The following LRCH1 variants were observed in gnomAD, a reference collection of about 807,000 sequenced individuals.
The protein encoded by LRCH1 is leucine-rich repeat and calponin homology domain-containing protein 1.
A neutral mutation model predicts 94.9 loss-of-function variants in LRCH1; 23 were observed. The ratio of observed to expected loss-of-function variants is 0.24; its 90% CI spans 0.17 to 0.34. LRCH1 has a LOEUF of 0.34. LRCH1 is among the 10% of genes least tolerant of loss of function. The probability of loss-of-function intolerance (pLI) is 1.00; values close to 1 mark genes in which losing one functional copy is unlikely to be tolerated. For missense variants in LRCH1, 790 were observed against 945.9 expected (o/e 0.84, Z 2.16); for synonymous variants, 364 against 354.9 (o/e 1.03, Z -0.29).
chr13:46,574,773 A>G (rs2050282467), intron 1 of LRCH1, among the ~76,000 whole-genome samples: 1 of 145,294 alleles, frequency 6.9e-6, no homozygotes, highest in Non-Finnish European at 1.5e-5. Flanking sequence ...AAAAATGATT[A>G]TGAAGCACTT....
At chr13:46,671,346 G>A (rs1217544169) in intron 3 of LRCH1, among the ~76,000 whole-genome samples, 1 of 152,174 alleles carries the variant, frequency 6.6e-6, no homozygotes, top group East Asian at 1.9e-4. Flanking sequence ...CTTTCTCTGT[G>A]CCAGCTCCCC....
At chr13:46,586,879 A>G (rs906135046) in intron 1 of LRCH1, among the ~76,000 whole-genome samples, 10 of 152,304 alleles carry the variant, frequency 6.6e-5, no homozygotes, top group Non-Finnish European at 1.3e-4. Context: ...AGGAAAGTTT[A>G]TTAGAATTTT....
chr13:46,565,916 TG>T (rs201668112), intron 1 of LRCH1, among the ~76,000 whole-genome samples: 2,436 of 151,770 alleles, frequency 0.016, 73 homozygotes, highest in African/African-American at 0.054. Flanking sequence ...GAGAAGAGTG[TG>T]TTCAGGTTTC....
chr13:46,627,831 TTC>T (rs1227625295), intron 1 of LRCH1, among the ~76,000 whole-genome samples: 2 of 152,214 alleles, frequency 1.3e-5, no homozygotes, highest in Non-Finnish European at 2.9e-5. Context: ...TCCGTGTAAT[TTC>T]TCTGAGTCAT....
intron 1 of LRCH1, among the ~76,000 whole-genome samples, chr13:46,599,764 C>CCTAA (rs1224811936): frequency 1.3e-5 from 2 of 152,046 alleles, no homozygotes; most frequent in South Asian, 4.2e-4. Flanking sequence ...CTTATGTTAC[C>CCTAA]TTAGAACTGT....
At chr13:46,714,949 C>T (rs913105664) in intron 15 of LRCH1, among the ~76,000 whole-genome samples, 16 of 151,800 alleles carry the variant, frequency 1.1e-4, no homozygotes, top group African/African-American at 3.9e-4. Flanking sequence ...GAGGTATGTC[C>T]AGGATTGAGA....
chr13:46,657,495 CTTTTCTTT>C (rs1566204553), intron 2 of LRCH1, among the ~76,000 whole-genome samples: 5 of 16,814 alleles, frequency 3.0e-4, no homozygotes, highest in African/African-American at 1.0e-3. Flanking sequence ...TTTTTCTTTT[CTTTTCTTT>C]TTTTTTTTTT....
chr13:46,695,230 G>A (rs1341667020), intron 9 of LRCH1, among the ~76,000 whole-genome samples: 1 of 152,126 alleles, frequency 6.6e-6, no homozygotes, highest in Non-Finnish European at 1.5e-5. Flanking sequence ...GTCTGTTTAT[G>A]GATCTGATTT....
intron 1 of LRCH1, among the ~76,000 whole-genome samples, chr13:46,633,875 C>T (rs1174291242): frequency 3.3e-5 from 5 of 150,492 alleles, no homozygotes; most frequent in Non-Finnish European, 5.9e-5. Flanking sequence ...GTTTCTTTTC[C>T]TGCATTTTTT....
chr13:46,728,740 T>C, intron 17 of LRCH1, 107 bp from the exon 18 acceptor site: 1 of 1,040,950 alleles, frequency 9.6e-7, no homozygotes, highest in Non-Finnish European at 1.4e-6. Context: ...TATCCTTATT[T>C]CCTATGATGA....
chr13:46,639,820 T>C (rs1181734981), intron 1 of LRCH1, among the ~76,000 whole-genome samples: 1 of 152,250 alleles, frequency 6.6e-6, no homozygotes, highest in East Asian at 1.9e-4. Context: ...GTCCCTACAG[T>C]AATCTGTACT....
At chr13:46,685,097 C>T (rs74625922) in intron 4 of LRCH1, among the ~76,000 whole-genome samples, 4,068 of 152,290 alleles carry the variant, frequency 0.027, 127 homozygotes, top group Admixed American at 0.085. Flanking sequence ...TCCGAGGCCT[C>T]GTTCTGGAGT....
intron 1 of LRCH1, among the ~76,000 whole-genome samples, chr13:46,569,149 C>T (rs7337999): frequency 0.71 from 108,039 of 152,102 alleles, 38,515 homozygotes; most frequent in Middle Eastern, 0.79. Flanking sequence ...ATTTAACAAG[C>T]GGCATTTTAT....
At chr13:46,634,041 G>A (rs897658775) in intron 1 of LRCH1, among the ~76,000 whole-genome samples, 8 of 151,856 alleles carry the variant, frequency 5.3e-5, no homozygotes, top group Admixed American at 1.3e-4. Flanking sequence ...CACCATGCCC[G>A]GCTAATTTTT....
chr13:46,658,901 T>C (rs2051409943), intron 2 of LRCH1, among the ~76,000 whole-genome samples: 1 of 152,254 alleles, frequency 6.6e-6, no homozygotes, highest in African/African-American at 2.4e-5. Flanking sequence ...AGTTTTGCTA[T>C]GCATAGTTAA....
At chr13:46,692,450 C>A in intron 7 of LRCH1, 86 bp from the exon 8 acceptor site, 1 of 926,202 alleles carries the variant, frequency 1.1e-6, no homozygotes, top group Non-Finnish European at 1.7e-6. Context: ...GTGAGAATCA[C>A]AGGATGTTGT....
intron 1 of LRCH1, among the ~76,000 whole-genome samples, chr13:46,601,006 T>G (rs958639894): frequency 5.9e-5 from 9 of 152,218 alleles, no homozygotes; most frequent in African/African-American, 2.2e-4. Context: ...CTGAGCAGGT[T>G]GAATGTTCCA....
At chr13:46,729,082 C>G (rs1299933207) in intron 18 of LRCH1, 98 bp downstream of exon 18, 1 of 1,191,424 alleles carries the variant, frequency 8.4e-7, no homozygotes, top group Non-Finnish European at 1.1e-6. Flanking sequence ...GGAGCTTGCT[C>G]AAATCTTTTC....
intron 1 of LRCH1, among the ~76,000 whole-genome samples, chr13:46,569,518 G>A (rs147368435): frequency 7.2e-5 from 11 of 152,218 alleles, no homozygotes; most frequent in African/African-American, 2.6e-4. Context: ...TGGTTGTATC[G>A]TGTAGCACCA....
Sources: allele counts gnomAD v4.1 joint callset (sites outside exome capture counted in the v4.1 genomes callset), GRCh38; gene constraint gnomAD v4.1.1; transcripts MANE v1.5; gene names NCBI Gene and HGNC (gene_info 2026-07-23, HGNC 2026-07-21).